The following SMARCA2 variants were observed in gnomAD, a reference collection of about 807,000 sequenced individuals.
The protein encoded by SMARCA2 is SWI/SNF-related matrix-associated actin-dependent regulator of chromatin subfamily A member 2.
Under a neutral mutation model 199.8 loss-of-function variants are expected in SMARCA2, and 61 were observed. The observed-to-expected ratio is 0.31, with a 90% CI of 0.25 to 0.38. The LOEUF is 0.38. Ranked by LOEUF, SMARCA2 falls within the 10% of genes least tolerant of loss-of-function variation. The pLI is 1.00. For missense variants in SMARCA2, 1,344 were observed against 2,012.2 expected, an observed-to-expected ratio of 0.67 and a Z score of 6.35; for synonymous variants, 935 against 732.0, an observed-to-expected ratio of 1.28 and a Z score of -4.48.
intron 27 of SMARCA2, chr9:2,159,099 C>T: frequency 8.2e-7 from 1 of 1,213,254 alleles, no homozygotes; most frequent in South Asian, 1.4e-5. Context: ...TTTGTTTTCG[C>T]TTCTTAGCTA....
At chr9:2,112,872 A>G (rs936093826) in intron 24 of SMARCA2, among the ~76,000 whole-genome samples, 1 of 152,230 alleles carries the variant, frequency 6.6e-6, no homozygotes, top group African/African-American at 2.4e-5. Context: ...GGCACTTTGC[A>G]TACCTCACCT....
chr9:2,038,854 A>G (rs1047977041), intron 3 of SMARCA2, among the ~76,000 whole-genome samples: 4 of 152,216 alleles, frequency 2.6e-5, no homozygotes, highest in Admixed American at 1.3e-4. Flanking sequence ...TAGGCACTCA[A>G]TAATTGCAAG....
At chr9:2,131,292 C>A (rs1009986640) in intron 27 of SMARCA2, among the ~76,000 whole-genome samples, 1 of 152,152 alleles carries the variant, frequency 6.6e-6, no homozygotes, top group African/African-American at 2.4e-5. Context: ...CTTACGGCAT[C>A]ATATATCTAC....
intron 29 of SMARCA2, chr9:2,181,106 A>G (rs1563835019): frequency 1.9e-5 from 3 of 153,862 alleles, no homozygotes; most frequent in East Asian, 1.9e-4. Context: ...ATATTCTAAC[A>G]TATTATTTTG....
chr9:2,084,233 A>G (rs1320479890), intron 17 of SMARCA2, 37 bp downstream of exon 17: 3 of 1,074,540 alleles, frequency 2.8e-6, no homozygotes, highest in South Asian at 2.6e-5. Context: ...TCTAATTAGG[A>G]CCATTGCACT....
chr9:2,160,269 C>G (rs1825597999), intron 27 of SMARCA2: 1 of 370,100 alleles, frequency 2.7e-6, no homozygotes, highest in Non-Finnish European at 4.9e-6. Flanking sequence ...TCGCCTCCTT[C>G]ATAGTGGTTA....
At chr9:2,073,651 A>C in intron 12 of SMARCA2, 28 bp downstream of exon 12, 1 of 1,550,644 alleles carries the variant, frequency 6.4e-7, no homozygotes, top group Non-Finnish European at 8.9e-7. Context: ...TTTGGGGTTT[A>C]TTGGTTTGAA....
chr9:2,036,654 C>T (rs956431103), intron 3 of SMARCA2, among the ~76,000 whole-genome samples: 12 of 152,136 alleles, frequency 7.9e-5, no homozygotes, highest in African/African-American at 2.9e-4. Context: ...TTCTCACTTT[C>T]ATTTTCTTCT....
intron 28 of SMARCA2, among the ~76,000 whole-genome samples, chr9:2,166,113 G>C (rs536926775): frequency 2.8e-4 from 43 of 152,314 alleles, no homozygotes; most frequent in African/African-American, 1.0e-3. Flanking sequence ...CTCATTCTGA[G>C]AAATATCCTT....
chr9:2,173,708 C>G (rs1255118470), intron 29 of SMARCA2, among the ~76,000 whole-genome samples: 2 of 152,092 alleles, frequency 1.3e-5, no homozygotes, highest in Non-Finnish European at 2.9e-5. Flanking sequence ...CCTACTCCTT[C>G]TTGGAGATTC....
At chr9:2,094,880 C>T (rs1454856492) in intron 19 of SMARCA2, among the ~76,000 whole-genome samples, 4 of 152,058 alleles carry the variant, frequency 2.6e-5, no homozygotes, top group South Asian at 2.1e-4. Flanking sequence ...AGTTGTTCAG[C>T]GTTTTTCTTT....
At chr9:2,068,923 GT>G (rs954617499) in intron 9 of SMARCA2, 12 of 144,940 alleles carry the variant, frequency 8.3e-5, no homozygotes, top group Admixed American at 6.9e-5. Flanking sequence ...ATAACCTTTT[GT>G]TTTTTTTTTT....
chr9:2,160,023 G>T lies in SMARCA2; in HGVS notation c.3982-1663G>T. ...TTCTCCGTATTTCTGTGTGCAACTG[G>T]GTGCTTGAGGAGAGCAATACCATTA... On this transcript the variant is annotated intron_variant, in intron 27 of 33. Coordinates refer to ENST00000349721, the MANE Select transcript of SMARCA2 (RefSeq NM_003070.5). 2.1e-6 allele frequency: 3 copies of T among 1,418,702 alleles called. No homozygotes were observed. The East Asian group carries it at 7.5e-5, about 36-fold the overall frequency. The allele number at this position is 1,418,702 out of a possible 1,614,324, so 87.9% of individuals were successfully genotyped here.
intron 13 of SMARCA2, among the ~76,000 whole-genome samples, chr9:2,077,373 C>T (rs963515448): frequency 6.6e-6 from 1 of 152,138 alleles, no homozygotes; most frequent in Non-Finnish European, 1.5e-5. Context: ...TTTATGTGAT[C>T]CAAACAAATG....
intron 4 of SMARCA2, chr9:2,046,035 A>T (rs926138976): frequency 6.6e-6 from 1 of 152,190 alleles, no homozygotes; most frequent in Non-Finnish European, 1.5e-5. Context: ...ATGTCGTTGT[A>T]TGGTTAATTA....
At chr9:2,160,812 C>CT (rs377563772) in intron 27 of SMARCA2, 11,875 of 287,156 alleles carry the variant, frequency 0.041, no homozygotes, top group East Asian at 0.057. Flanking sequence ...ATTTTATGTT[C>CT]TTTTTTTTTT....
intron 28 of SMARCA2, among the ~76,000 whole-genome samples, chr9:2,168,835 C>T (rs750469794): frequency 7.2e-5 from 11 of 152,148 alleles, no homozygotes; most frequent in Non-Finnish European, 7.4e-5. Context: ...AATTATTCTG[C>T]TGGGATCTTT....
chr9:2,077,860 A>G (rs1195275846), intron 14 of SMARCA2, 84 bp downstream of exon 14: 2 of 1,289,406 alleles, frequency 1.6e-6, no homozygotes, highest in Non-Finnish European at 2.2e-6. Context: ...CATGTTGACT[A>G]AGGGCTTTTG....
At chr9:2,191,471 C>T (rs748969658) in intron 33 of SMARCA2, 63 bp downstream of exon 33, 9 of 1,564,720 alleles carry the variant, frequency 5.8e-6, no homozygotes, top group South Asian at 1.1e-5. Flanking sequence ...TGGCCTCTTG[C>T]ATTTCCATGC....
Sources: allele counts gnomAD v4.1 joint callset (sites outside exome capture counted in the v4.1 genomes callset), GRCh38; gene constraint gnomAD v4.1.1; transcripts MANE v1.5; gene names NCBI Gene and HGNC (gene_info 2026-07-23, HGNC 2026-07-21).